Variants in PRKN observed in about 807,000 individuals in gnomAD.
The protein encoded by PRKN is E3 ubiquitin-protein ligase parkin.
Under a neutral mutation model 59.5 loss-of-function variants are expected in PRKN, and 56 were observed. The ratio of observed to expected loss-of-function variants is 0.94; its 90% CI spans 0.76 to 1.18. The LOEUF is 1.18. Ranked by LOEUF, PRKN falls within the 50% of genes most tolerant of loss-of-function variation. The probability of loss-of-function intolerance (pLI) is 0.00; values close to 1 mark genes in which losing one functional copy is unlikely to be tolerated. For synonymous variants in PRKN, 250 were observed against 222.1 expected (o/e 1.13, Z -1.12); for missense variants, 657 against 596.4 (o/e 1.10, Z -1.06).
chr6:161,568,573 A>G (rs1490815467), intron 8 of PRKN, among the ~76,000 whole-genome samples: 1 of 145,168 alleles, frequency 6.9e-6, no homozygotes, highest in East Asian at 2.3e-4. Context: ...AGCCTGGGCG[A>G]CAGAGCAAGA....
intron 7 of PRKN, among the ~76,000 whole-genome samples, chr6:161,771,286 G>A (rs1789665147): frequency 6.6e-6 from 1 of 151,256 alleles, no homozygotes; most frequent in Admixed American, 6.6e-5. Context: ...AAATTGGGAG[G>A]CAGAGCTTGC....
chr6:162,125,387 A>C (rs894495876), intron 4 of PRKN, among the ~76,000 whole-genome samples: 2 of 152,156 alleles, frequency 1.3e-5, no homozygotes, highest in African/African-American at 4.8e-5. Flanking sequence ...ACTGGCGCAG[A>C]ACTTTGTTCT....
intron 1 of PRKN, among the ~76,000 whole-genome samples, chr6:162,592,201 G>A (rs2128214496): frequency 6.6e-6 from 1 of 152,178 alleles, no homozygotes; most frequent in South Asian, 2.1e-4. Flanking sequence ...GTTTCACCAT[G>A]TTAGCCAGCT....
At chr6:162,348,467 C>T (rs529820911) in intron 2 of PRKN, among the ~76,000 whole-genome samples, 2 of 152,138 alleles carry the variant, frequency 1.3e-5, no homozygotes, top group South Asian at 4.1e-4. Flanking sequence ...GCAATAAATA[C>T]CTATATTAGA....
At chr6:161,455,222 A>G (rs55773519) in intron 9 of PRKN, among the ~76,000 whole-genome samples, 2,672 of 152,036 alleles carry the variant, frequency 0.018, 83 homozygotes, top group African/African-American at 0.061. Context: ...TATTTTTAGT[A>G]GAGACGGAGT....
At chr6:162,447,862 G>A (rs747494403) in intron 1 of PRKN, among the ~76,000 whole-genome samples, 2 of 152,136 alleles carry the variant, frequency 1.3e-5, no homozygotes, top group Non-Finnish European at 2.9e-5. Flanking sequence ...GATGATGCAA[G>A]CCAATCTGTG....
intron 1 of PRKN, among the ~76,000 whole-genome samples, chr6:162,459,102 G>A (rs1268014442): frequency 2.0e-5 from 3 of 152,244 alleles, no homozygotes; most frequent in South Asian, 2.1e-4. Context: ...TTACAGGCAT[G>A]AGCCACCGTG....
At chr6:161,823,485 T>C (rs1351403667) in intron 6 of PRKN, among the ~76,000 whole-genome samples, 1 of 152,010 alleles carries the variant, frequency 6.6e-6, no homozygotes, top group Non-Finnish European at 1.5e-5. Context: ...TGTCCATAAG[T>C]GTATGAAATA....
chr6:162,674,111 T>C (rs1779445965), intron 1 of PRKN, among the ~76,000 whole-genome samples: 1 of 152,254 alleles, frequency 6.6e-6, no homozygotes. Flanking sequence ...AAATCTGTTA[T>C]ATTCATCATT....
intron 7 of PRKN, among the ~76,000 whole-genome samples, chr6:161,606,249 G>A (rs1782278652): frequency 6.6e-6 from 1 of 152,172 alleles, no homozygotes; most frequent in South Asian, 2.1e-4. Flanking sequence ...CCAGTTAAGT[G>A]TGATGTGAGC....
chr6:161,511,684 TA>T (rs1332065796), intron 9 of PRKN, among the ~76,000 whole-genome samples: 1 of 152,144 alleles, frequency 6.6e-6, no homozygotes, highest in Non-Finnish European at 1.5e-5. Flanking sequence ...CTGACCTGCC[TA>T]AGTGACCAGA....
chr6:162,040,406 C>CT (rs35510397), intron 5 of PRKN, among the ~76,000 whole-genome samples: 7,651 of 139,646 alleles, frequency 0.055, 290 homozygotes, highest in Non-Finnish European at 0.084. Context: ...ATTAGAACCA[C>CT]TTTTTTTTTT....
At chr6:162,322,823 A>C (rs1489668929) in intron 2 of PRKN, among the ~76,000 whole-genome samples, 1 of 152,016 alleles carries the variant, frequency 6.6e-6, no homozygotes, top group Non-Finnish European at 1.5e-5. Context: ...AACCAACCCA[A>C]ATGTCCAACA....
intron 4 of PRKN, among the ~76,000 whole-genome samples, chr6:162,142,320 G>A (rs185472394): frequency 7.2e-5 from 11 of 152,264 alleles, no homozygotes; most frequent in Admixed American, 5.9e-4. Flanking sequence ...GCCTGCATCC[G>A]GCAGTCAGAC....
chr6:161,845,067 G>A (rs933319352), intron 6 of PRKN, among the ~76,000 whole-genome samples: 1 of 152,226 alleles, frequency 6.6e-6, no homozygotes, highest in African/African-American at 2.4e-5. Context: ...AAGACCATAA[G>A]ATTAATAAGT....
chr6:161,618,405 T>C (rs1782771372), intron 7 of PRKN, among the ~76,000 whole-genome samples: 1 of 152,210 alleles, frequency 6.6e-6, no homozygotes, highest in African/African-American at 2.4e-5. Context: ...CAACAGACAC[T>C]CTCTCAAGGT....
intron 1 of PRKN, among the ~76,000 whole-genome samples, chr6:162,601,886 T>G (rs1781727857): frequency 6.6e-6 from 1 of 152,216 alleles, no homozygotes; most frequent in African/African-American, 2.4e-5. Flanking sequence ...TTTAACAAAC[T>G]GCAAGTTTTG....
At chr6:162,677,710 T>A (rs1779608699) in intron 1 of PRKN, among the ~76,000 whole-genome samples, 1 of 152,186 alleles carries the variant, frequency 6.6e-6, no homozygotes, top group Non-Finnish European at 1.5e-5. Context: ...CACGTTTGTA[T>A]AATACCTGCA....
At chr6:162,526,316 T>TAA (rs34844863) in intron 1 of PRKN, among the ~76,000 whole-genome samples, 11 of 111,632 alleles carry the variant, frequency 9.9e-5, no homozygotes, top group Non-Finnish European at 2.1e-4. Context: ...TCATTAGAAG[T>TAA]AAAAAAAAAA....
Sources: gnomAD v4.1 joint callset for allele counts (sites outside exome capture counted in the v4.1 genomes callset) on GRCh38, gnomAD v4.1.1 for gene constraint, MANE v1.5 for transcripts, NCBI Gene and HGNC (gene_info 2026-07-23, HGNC 2026-07-21) for gene names.